GALNT12: variants seen among roughly 807,000 people sequenced by gnomAD.
GALNT12 encodes UDP-GalNAc:polypeptide N-acetylgalactosaminyltransferase 12.
A neutral mutation model predicts 55.5 loss-of-function variants in GALNT12; 45 were observed. The ratio of observed to expected loss-of-function variants is 0.81; its 90% CI spans 0.64 to 1.04. GALNT12 has a LOEUF of 1.04. GALNT12 is among the 50% of genes least tolerant of loss of function. The pLI, the probability that GALNT12 is intolerant of heterozygous loss-of-function variation, is 0.00. For synonymous variants in GALNT12, 304 were observed against 312.2 expected (o/e 0.97, Z 0.28); for missense variants, 709 against 754.8 (o/e 0.94, Z 0.71).
At chr9:98,840,617 A>C (rs1307534383) in intron 7 of GALNT12, among the ~76,000 whole-genome samples, 1 of 152,232 alleles carries the variant, frequency 6.6e-6, no homozygotes, top group Non-Finnish European at 1.5e-5. Flanking sequence ...CCAGCTTAGC[A>C]AGGTCTCCTC....
intron 2 of GALNT12, among the ~76,000 whole-genome samples, chr9:98,824,657 A>C (rs1391919950): frequency 1.3e-5 from 2 of 152,160 alleles, no homozygotes; most frequent in Non-Finnish European, 2.9e-5. Flanking sequence ...CCTAGAAGGC[A>C]TTGGGTTCTG....
At chr9:98,815,616 A>G (rs924399038) in intron 1 of GALNT12, among the ~76,000 whole-genome samples, 1 of 152,244 alleles carries the variant, frequency 6.6e-6, no homozygotes, top group Non-Finnish European at 1.5e-5. Context: ...TTATTGCTCA[A>G]TGAAGGCATT....
At chr9:98,838,771 C>T (rs1295722883) in intron 6 of GALNT12, among the ~76,000 whole-genome samples, 1 of 152,198 alleles carries the variant, frequency 6.6e-6, no homozygotes, top group East Asian at 1.9e-4. Context: ...TCTCATCAGG[C>T]CACTTCATGG....
At chr9:98,837,281 A>G (rs1836179832) in intron 6 of GALNT12, 133 bp downstream of exon 6, 29 of 831,820 alleles carry the variant, frequency 3.5e-5, no homozygotes, top group South Asian at 3.4e-4. Context: ...GAGTAAGGGG[A>G]GAATTTATTC....
rs183457250 is a variant in GALNT12 at position 98,839,485 on chromosome 9, A to G, written c.1213-517A>G. 5.9e-3 allele frequency among the ~76,000 whole-genome samples: 903 copies of G among 152,370 alleles called. 11 individuals are homozygous for G. Among genetic ancestry groups the G allele is most frequent in the South Asian group, 0.018 (89 of 4,828 alleles). ...GTTTTGCCCATAAAACCAAACTTGC[A>G]TAAGTATTTCTTTTTGCTTATTTCA... On this transcript the variant is annotated intron_variant, in intron 6 of 9. Coordinates refer to ENST00000375011, the MANE Select transcript of GALNT12 (RefSeq NM_024642.5).
intron 7 of GALNT12, among the ~76,000 whole-genome samples, chr9:98,842,156 C>T (rs1337565782): frequency 1.3e-5 from 2 of 151,458 alleles, no homozygotes; most frequent in Non-Finnish European, 2.9e-5. Context: ...TTTAAATAGC[C>T]GGTGTGCTTC....
chr9:98,832,093 G>C, intron 4 of GALNT12, 136 bp downstream of exon 4: 1 of 745,140 alleles, frequency 1.3e-6, no homozygotes, highest in Non-Finnish European at 2.4e-6. Context: ...TTTTTGCCCA[G>C]AGTATTTGTT....
intron 1 of GALNT12, among the ~76,000 whole-genome samples, chr9:98,820,972 G>A (rs183314718): frequency 1.3e-5 from 2 of 152,074 alleles, no homozygotes; most frequent in Non-Finnish European, 2.9e-5. Flanking sequence ...GACACATATC[G>A]AACTATTTTT....
intron 4 of GALNT12, 38 bp downstream of exon 4, chr9:98,831,995 A>G: frequency 1.3e-6 from 2 of 1,572,526 alleles, no homozygotes; most frequent in South Asian, 1.1e-5. Flanking sequence ...TTTTTTAAGC[A>G]TGCCTCATTG....
intron 3 of GALNT12, among the ~76,000 whole-genome samples, chr9:98,829,329 C>T (rs978695412): frequency 6.6e-6 from 1 of 151,912 alleles, no homozygotes; most frequent in African/African-American, 2.4e-5. Context: ...GCTGGGATTA[C>T]AGGCATGCAC....
chr9:98,840,661 C>T lies in GALNT12; in HGVS notation c.1344+528C>T, dbSNP rs115757940. On this transcript the variant is annotated intron_variant, in intron 7 of 9. Transcript: ENST00000375011. ...TGTGTTGATCAGAAGTGCTGGTGTTCCATTCTAGAAGTCTTTGATACATAT... is the reference window on the plus strand; with the variant it reads ...TGTGTTGATCAGAAGTGCTGGTGTTTCATTCTAGAAGTCTTTGATACATAT... 6.2e-3 allele frequency among the ~76,000 whole-genome samples: 940 copies of T among 152,244 alleles called. 9 individuals are homozygous for T. Among genetic ancestry groups the T allele is most frequent in the African/African-American group, 0.022 (908 of 41,536 alleles).
rs988917585 is a variant in GALNT12, at chr9:98,823,455, C to A, written c.541+30C>A. ...GTCCCGGCCAGGGCTCTGGGAAGAG[C>A]CTGTCCTTCTGTAGCAGTGTCTGGG... On this transcript the variant is annotated intron_variant, in intron 2 of 9. Transcript: ENST00000375011. The A allele has an allele frequency of 5.0e-6, 8 of 1,601,902 alleles. No individual in the cohort carries two copies. In the African/African-American group the frequency reaches 1.1e-4, roughly 21 times the overall value.
Position 98,837,044 on chromosome 9 carries a change from C to T in GALNT12, c.1108C>T (p.Pro370Ser), listed in dbSNP as rs191693197. The T allele has an allele frequency of 6.2e-6, 10 of 1,614,184 alleles. No homozygotes were observed. In the Admixed American group the frequency reaches 1.2e-4, roughly 19 times the overall value. ...HVGHVFPKQA[P>S]YSRNKALANS... is the part of the protein sequence containing the mutation. ...TGGCCATGTTTTCCCCAAGCAAGCTCCCTACTCCCGCAACAAGGCTCTGGC... is the reference window on the plus strand; with the variant it reads ...TGGCCATGTTTTCCCCAAGCAAGCTTCCTACTCCCGCAACAAGGCTCTGGC... Residue 370 changes from proline (P) to serine (S), a missense_variant, in exon 6 of 10, where the codon CCC (proline) becomes TCC (serine). Physicochemically the swap from Pro to Ser is moderately conservative, Grantham distance 74. Transcript: ENST00000375011.
chr9:98,810,415 A>G lies in GALNT12; in HGVS notation c.371+2346A>G, dbSNP rs1835469815. Among the ~76,000 whole-genome samples the G allele has an allele frequency of 2.0e-5, 3 of 152,146 alleles. No individual in the cohort carries two copies. In the South Asian group the frequency reaches 6.2e-4, roughly 32 times the overall value. The stretch of plus-strand genomic sequence containing the variant: ...GGTGGGGATGATTATTTCTATGTTT[A>G]TTTTAATTATGAAAGCAATGCATAT... On this transcript the variant is annotated intron_variant, in intron 1 of 9. Transcript: ENST00000375011.
At chr9:98,838,765 A>C (rs976377411) in intron 6 of GALNT12, among the ~76,000 whole-genome samples, 9 of 152,216 alleles carry the variant, frequency 5.9e-5, no homozygotes, top group Admixed American at 5.9e-4. Context: ...AAGGCTTCTC[A>C]TCAGGCCACT....
rs139514746 is a variant in GALNT12, at chr9:98,831,892, G to A, written c.852G>A (p.Val284=). Residue 284 remains valine, a synonymous_variant, in exon 4 of 10, where the codon GTG becomes GTA. Transcript: ENST00000375011. ...PQIGGFDWRL[V]FTWHTVPERE... ...TCGGCGGTTTCGACTGGAGGCTGGT[G>A]TTCACGTGGCACACAGTTCCTGAGA... is the stretch of plus-strand genomic sequence containing the variant. The A allele has an allele frequency of 2.5e-6, 4 of 1,614,178 alleles. No individual in the cohort carries two copies. The highest frequency in any genetic ancestry group is 2.5e-6 in the Non-Finnish European group (3 of 1,180,036).
At chr9:98,814,483 C>T (rs921684710) in intron 1 of GALNT12, among the ~76,000 whole-genome samples, 12 of 151,902 alleles carry the variant, frequency 7.9e-5, no homozygotes, top group Non-Finnish European at 1.3e-4. Flanking sequence ...CCAAGGAGGG[C>T]GGATCACTTG....
intron 4 of GALNT12, among the ~76,000 whole-genome samples, chr9:98,835,004 A>G (rs1299013788): frequency 6.6e-6 from 1 of 151,988 alleles, no homozygotes; most frequent in Non-Finnish European, 1.5e-5. Context: ...GGCTGACCTT[A>G]GTTAACATAT....
At chr9:98,810,859 T>G (rs1443038833) in intron 1 of GALNT12, among the ~76,000 whole-genome samples, 2 of 152,310 alleles carry the variant, frequency 1.3e-5, no homozygotes, top group African/African-American at 4.8e-5. Context: ...GAATCCTTCC[T>G]TGCATGGTAA....
Sources: allele counts gnomAD v4.1 joint callset (sites outside exome capture counted in the v4.1 genomes callset), GRCh38; gene constraint gnomAD v4.1.1; transcripts MANE v1.5; gene names NCBI Gene and HGNC (gene_info 2026-07-23, HGNC 2026-07-21).